AGBL4: variants seen among roughly 807,000 people sequenced by gnomAD.
The protein encoded by AGBL4 is cytosolic carboxypeptidase 6.
AGBL4 carries 58 observed loss-of-function variants against 66.4 expected under a neutral mutation model. The ratio of observed to expected loss-of-function variants is 0.87; its 90% CI spans 0.71 to 1.09. AGBL4 has a LOEUF of 1.09. Ranked by LOEUF, AGBL4 falls within the 50% of genes least tolerant of loss-of-function variation. AGBL4 has a pLI of 0.00. For missense variants in AGBL4, 579 were observed against 631.0 expected (o/e 0.92, Z 0.88); for synonymous variants, 234 against 222.9 (o/e 1.05, Z -0.44).
At position 48,813,251 on chromosome 1, in the gene AGBL4, G is replaced by A. The variant is rs554095699; in HGVS notation, c.634+53940C>T. On this transcript the variant is annotated intron_variant, in intron 6 of 13. Transcript: ENST00000371839. ...GTGGATTAGGAAGTTTCTAAAAGACGGTAATGTCTGCTGAGAGACATGAAT... is the reference window on the plus strand; with the variant it reads ...GTGGATTAGGAAGTTTCTAAAAGACAGTAATGTCTGCTGAGAGACATGAAT... Among the ~76,000 whole-genome samples, 12 of 152,182 alleles carry A rather than the reference G, an allele frequency of 7.9e-5. No individual in the cohort carries two copies. In the South Asian group the frequency reaches 1.9e-3, roughly 24 times the overall value.
At chr1:49,650,911 A>G (rs1396700493) in intron 3 of AGBL4, among the ~76,000 whole-genome samples, 2 of 152,148 alleles carry the variant, frequency 1.3e-5, no homozygotes, top group Non-Finnish European at 2.9e-5. Flanking sequence ...GTGCCCTTGG[A>G]AACAGCATTT....
intron 5 of AGBL4, among the ~76,000 whole-genome samples, chr1:48,982,293 C>T (rs1293143654): frequency 6.6e-6 from 1 of 152,012 alleles, no homozygotes; most frequent in Non-Finnish European, 1.5e-5. Context: ...TGTGCTGCAC[C>T]CATTAACTCG....
Position 48,763,472 on chromosome 1 carries a change from G to C in AGBL4, c.635-100231C>G, listed in dbSNP as rs140325081. Among the ~76,000 whole-genome samples, 283 of 152,048 alleles carry C rather than the reference G, an allele frequency of 1.9e-3. 1 individual carries two copies. The highest frequency in any genetic ancestry group is 6.8e-3 in the Middle Eastern group (2 of 294). ...AATTATCTTGCAATGGTGTTTTTTT[G>C]TGTGTGTGTATGTGTGTGTGTGAAA... On this transcript the variant is annotated intron_variant, in intron 6 of 13. Coordinates refer to ENST00000371839, the MANE Select transcript of AGBL4 (RefSeq NM_032785.4).
At chr1:48,825,211 CG>C (rs1646401478) in intron 6 of AGBL4, among the ~76,000 whole-genome samples, 1 of 152,130 alleles carries the variant, frequency 6.6e-6, no homozygotes, top group Non-Finnish European at 1.5e-5. Context: ...GGAATTGCTG[CG>C]GAGGCCAGGA....
intron 3 of AGBL4, among the ~76,000 whole-genome samples, chr1:49,622,644 A>AG (rs1157059361): frequency 2.0e-5 from 3 of 150,816 alleles, no homozygotes; most frequent in South Asian, 2.1e-4. Flanking sequence ...AAAAAAAAAA[A>AG]AAAAAAAAAA....
At chr1:48,627,198 C>A (rs1486845010) in intron 9 of AGBL4, among the ~76,000 whole-genome samples, 1 of 152,100 alleles carries the variant, frequency 6.6e-6, no homozygotes. Context: ...CCAGTGGGAC[C>A]CCTGCTTCCC....
At chr1:49,157,667 C>A (rs1280153452) in intron 4 of AGBL4, among the ~76,000 whole-genome samples, 1 of 152,178 alleles carries the variant, frequency 6.6e-6, no homozygotes, top group Admixed American at 6.5e-5. Flanking sequence ...CTGTCCTCCA[C>A]AATGGTTGAA....
intron 5 of AGBL4, among the ~76,000 whole-genome samples, chr1:48,991,302 A>G (rs1021089217): frequency 6.6e-6 from 1 of 152,100 alleles, no homozygotes; most frequent in African/African-American, 2.4e-5. Flanking sequence ...TAAATGTGCT[A>G]TGACACCCTC....
intron 6 of AGBL4, among the ~76,000 whole-genome samples, chr1:48,837,929 C>T (rs1435085183): frequency 1.3e-5 from 2 of 151,588 alleles, no homozygotes; most frequent in South Asian, 2.1e-4. Flanking sequence ...GAAGATTATA[C>T]TACTTGATTC....
chr1:48,885,970 G>A (rs767580090), intron 5 of AGBL4, among the ~76,000 whole-genome samples: 9 of 152,196 alleles, frequency 5.9e-5, no homozygotes, highest in Non-Finnish European at 1.3e-4. Flanking sequence ...CAACTGCTGA[G>A]TTCCTCATGC....
chr1:49,798,937 C>T (rs1401564846), intron 2 of AGBL4, among the ~76,000 whole-genome samples: 3 of 152,068 alleles, frequency 2.0e-5, no homozygotes, highest in Non-Finnish European at 4.4e-5. Flanking sequence ...AGCTACTTAT[C>T]TTTTATTTAA....
chr1:49,948,307 AAT>A lies in AGBL4; in HGVS notation c.34+75454_34+75455del, dbSNP rs1196467417. On this transcript the variant is annotated intron_variant, in intron 1 of 13. Coordinates refer to ENST00000371839, the MANE Select transcript of AGBL4 (RefSeq NM_032785.4). ...ATATAAATATATAAAAATATATATA[AAT>A]ATATATATAAATATATAAACATATA... Among the ~76,000 whole-genome samples, 162 of 110,022 alleles carry A rather than the reference AAT, an allele frequency of 1.5e-3. 2 individuals carry two copies. Among genetic ancestry groups the A allele is most frequent in the South Asian group, 9.6e-3 (38 of 3,956 alleles). The allele number at this position is 110,022 out of a possible 152,430, so 72.2% of individuals were successfully genotyped here.
intron 2 of AGBL4, among the ~76,000 whole-genome samples, chr1:49,722,779 G>T (rs1019905691): frequency 7.9e-5 from 12 of 152,090 alleles, no homozygotes; most frequent in Admixed American, 3.9e-4. Context: ...ACTCTGAAAA[G>T]ATTTTTACAT....
intron 3 of AGBL4, among the ~76,000 whole-genome samples, chr1:49,429,853 T>A (rs962810045): frequency 1.3e-4 from 20 of 150,426 alleles, no homozygotes; most frequent in African/African-American, 4.2e-4. Context: ...TGAATATATT[T>A]TTTTTTTTTT....
chr1:48,893,244 G>C (rs999346972), intron 5 of AGBL4, among the ~76,000 whole-genome samples: 1 of 152,124 alleles, frequency 6.6e-6, no homozygotes, highest in East Asian at 1.9e-4. Context: ...CCCAGTCCCT[G>C]TTATGGACTG....
intron 5 of AGBL4, among the ~76,000 whole-genome samples, chr1:49,027,264 G>A (rs147363310): frequency 0.012 from 1,849 of 152,000 alleles, 37 homozygotes; most frequent in African/African-American, 0.043. Context: ...AGGTTCAAGC[G>A]ATTCTCCTGC....
intron 8 of AGBL4, among the ~76,000 whole-genome samples, chr1:48,636,727 C>T (rs1387459685): frequency 6.6e-6 from 1 of 152,192 alleles, no homozygotes; most frequent in Non-Finnish European, 1.5e-5. Context: ...GAGAGAGCCC[C>T]ACAGCCACAC....
chr1:49,687,994 G>A (rs1166153004), intron 3 of AGBL4, among the ~76,000 whole-genome samples: 1 of 152,012 alleles, frequency 6.6e-6, no homozygotes, highest in East Asian at 1.9e-4. Context: ...TTTGATAAAG[G>A]CATACAATTG....
intron 3 of AGBL4, among the ~76,000 whole-genome samples, chr1:49,624,766 T>C (rs1645433265): frequency 6.6e-6 from 1 of 152,200 alleles, no homozygotes; most frequent in African/African-American, 2.4e-5. Context: ...GATGACTTCA[T>C]GAAGGGACAC....
Sources: gnomAD v4.1 joint callset for allele counts (sites outside exome capture counted in the v4.1 genomes callset) on GRCh38, gnomAD v4.1.1 for gene constraint, MANE v1.5 for transcripts, NCBI Gene and HGNC (gene_info 2026-07-23, HGNC 2026-07-21) for gene names.